MAD1L1: variants seen among roughly 807,000 people sequenced by gnomAD.
The protein encoded by MAD1L1 is mitotic arrest deficient 1 like 1, also known as mitotic spindle assembly checkpoint protein MAD1.
A neutral mutation model predicts 96.9 loss-of-function variants in MAD1L1; 95 were observed. The ratio of observed to expected loss-of-function variants is 0.98; its 90% CI spans 0.83 to 1.16. The LOEUF is 1.16. Among genes scored for constraint, MAD1L1 ranks in the 50% most tolerant of loss-of-function variants. The probability of loss-of-function intolerance (pLI) is 0.00; values close to 1 mark genes in which losing one functional copy is unlikely to be tolerated. For missense variants in MAD1L1, 1,007 were observed against 954.4 expected, an observed-to-expected ratio of 1.06 and a Z score of -0.73; for synonymous variants, 473 against 396.6, an observed-to-expected ratio of 1.19 and a Z score of -2.29.
chr7:1,950,120 G>A (rs1428508272), intron 16 of MAD1L1, among the ~76,000 whole-genome samples: 1 of 152,188 alleles, frequency 6.6e-6, no homozygotes, highest in East Asian at 1.9e-4. Context: ...GGCCAGGCGT[G>A]CATGCCCATG....
intron 18 of MAD1L1, among the ~76,000 whole-genome samples, chr7:1,857,364 C>T (rs1469209690): frequency 1.3e-5 from 2 of 152,178 alleles, no homozygotes; most frequent in Non-Finnish European, 2.9e-5. Flanking sequence ...GGGCTGCCTG[C>T]CGGTGTCCTG....
At chr7:2,025,257 C>G (rs544988096) in intron 12 of MAD1L1, among the ~76,000 whole-genome samples, 1 of 152,154 alleles carries the variant, frequency 6.6e-6, no homozygotes, top group South Asian at 2.1e-4. Flanking sequence ...ACTTCTCCTG[C>G]CAAAAAGAGA....
intron 18 of MAD1L1, chr7:1,838,708 G>A (rs1783067558): frequency 4.3e-6 from 2 of 465,094 alleles, no homozygotes; most frequent in Non-Finnish European, 9.0e-6. Context: ...TCCTTCCAGG[G>A]TGATAAAGGC....
chr7:2,129,148 G>A (rs370445097), intron 11 of MAD1L1, among the ~76,000 whole-genome samples: 1 of 152,190 alleles, frequency 6.6e-6, no homozygotes, highest in Non-Finnish European at 1.5e-5. Context: ...CCGGGCAGGC[G>A]CATTCCATGA....
Position 2,142,558 on chromosome 7 carries a change from A to G in MAD1L1, c.1073+6594T>C, listed in dbSNP as rs1419406631. 6.6e-6 allele frequency among the ~76,000 whole-genome samples: 1 copy of G among 152,218 alleles called. No individual in the cohort carries two copies. The highest frequency in any genetic ancestry group is 1.5e-5 in the Non-Finnish European group (1 of 68,036). Reference sequence around the variant, plus strand: ...TGCCACTGAGCCCACGGTGAAGGGCACGGTGCCACCCAGAGCTCCTGGCGC... The same window carrying G: ...TGCCACTGAGCCCACGGTGAAGGGCGCGGTGCCACCCAGAGCTCCTGGCGC... On this transcript the variant is annotated intron_variant, in intron 11 of 18. Coordinates refer to ENST00000265854, the MANE Select transcript of MAD1L1 (RefSeq NM_001013836.2). This position sits in a 1 kb window ranked among gnomAD's most constrained non-coding sequence, Gnocchi z 4.7.
rs541531926 is a variant in MAD1L1 at position 2,078,638 on chromosome 7, G to A, written c.1074-9300C>T. ...GCCTCCTGAGCAGTTTCCCACTCTC[G>A]CCCGAGCAGCTTTCGGCTGCAGGGG... On this transcript the variant is annotated intron_variant, in intron 11 of 18. Transcript: ENST00000265854. Among the ~76,000 whole-genome samples, 11 of 152,314 alleles carry A rather than the reference G, an allele frequency of 7.2e-5. No homozygotes were observed. In the East Asian group the frequency reaches 1.2e-3, roughly 16 times the overall value.
At chr7:1,818,116 C>A (rs1394434708) in intron 18 of MAD1L1, among the ~76,000 whole-genome samples, 1 of 152,158 alleles carries the variant, frequency 6.6e-6, no homozygotes, top group Non-Finnish European at 1.5e-5. Context: ...CTTCTGCCTT[C>A]TGCTCTTGAT....
intron 17 of MAD1L1, among the ~76,000 whole-genome samples, chr7:1,913,942 G>A (rs1256411571): frequency 6.6e-6 from 1 of 152,148 alleles, no homozygotes; most frequent in African/African-American, 2.4e-5. Flanking sequence ...CACGCTGGAG[G>A]GAACGCCCCA....
chr7:1,880,573 C>T (rs541279395), intron 18 of MAD1L1, among the ~76,000 whole-genome samples: 2 of 152,332 alleles, frequency 1.3e-5, no homozygotes, highest in Admixed American at 6.5e-5. Context: ...ACAGTGGGCC[C>T]TCAATTTGGC....
chr7:2,109,288 A>G (rs1787256326), intron 11 of MAD1L1, among the ~76,000 whole-genome samples: 1 of 152,222 alleles, frequency 6.6e-6, no homozygotes, highest in Non-Finnish European at 1.5e-5. Context: ...CCCTGCCTTA[A>G]GCAGCCCATG....
intron 18 of MAD1L1, among the ~76,000 whole-genome samples, chr7:1,866,660 C>T (rs1395502944): frequency 1.3e-5 from 2 of 152,168 alleles, no homozygotes; most frequent in East Asian, 3.9e-4. Context: ...TGCCGGCCAG[C>T]CCCAGAGCAG....
chr7:1,985,769 G>C (rs1170415265), intron 14 of MAD1L1, among the ~76,000 whole-genome samples: 2 of 100,302 alleles, frequency 2.0e-5, no homozygotes, highest in Middle Eastern at 4.3e-3. Context: ...CGTGCATCCG[G>C]TCACCTTCCT....
chr7:2,216,373 G>T (rs910838060), intron 7 of MAD1L1, 86 bp from the exon 8 acceptor site: 8 of 1,405,246 alleles, frequency 5.7e-6, no homozygotes, highest in African/African-American at 4.3e-5. Flanking sequence ...CTAAGAGAAG[G>T]AAGCCGGTCT....
At chr7:2,030,596 G>A (rs1267007881) in intron 12 of MAD1L1, among the ~76,000 whole-genome samples, 1 of 152,204 alleles carries the variant, frequency 6.6e-6, no homozygotes, top group Admixed American at 6.5e-5. Context: ...GACCCCGCAG[G>A]AGTGGAACCT....
At chr7:2,225,583 C>A in intron 3 of MAD1L1, 33 bp from the exon 4 acceptor site, 8 of 1,607,606 alleles carry the variant, frequency 5.0e-6, no homozygotes, top group Non-Finnish European at 5.9e-6. Flanking sequence ...AAAACAGAAT[C>A]CTCAGTGACG....
intron 11 of MAD1L1, among the ~76,000 whole-genome samples, chr7:2,109,180 CCCGAGCTCTGCT>C (rs1488399585): frequency 6.6e-6 from 1 of 152,234 alleles, no homozygotes; most frequent in Non-Finnish European, 1.5e-5. Flanking sequence ...AGACGGAAAA[CCCGAGCTCTGCT>C]CCTCCTGAAA....
intron 10 of MAD1L1, among the ~76,000 whole-genome samples, chr7:2,163,550 T>G (rs992478034): frequency 2.6e-5 from 4 of 152,118 alleles, no homozygotes; most frequent in African/African-American, 9.7e-5. Context: ...ATTTTTTGTA[T>G]CTTTAGTAGA....
In MAD1L1 at chr7:1,978,592, G is replaced by A. The variant is rs972062735; in HGVS notation, c.1505+1861C>T. Among the ~76,000 whole-genome samples the A allele has an allele frequency of 9.9e-5, 15 of 152,034 alleles. No individual in the cohort carries two copies. In the South Asian group the frequency reaches 1.7e-3, roughly 17 times the overall value. ...TGCATGCTCACCATGGCACCTGCCC[G>A]GTCTCCAGCTTCCCCCACCCCACAC... On this transcript the variant is annotated intron_variant, in intron 15 of 18. Transcript: ENST00000265854.
chr7:2,161,746 G>C (rs1790143018), intron 10 of MAD1L1, among the ~76,000 whole-genome samples: 1 of 150,876 alleles, frequency 6.6e-6, no homozygotes, highest in Non-Finnish European at 1.5e-5. Flanking sequence ...GAGCGCCTCT[G>C]CCTGGCCGCG....
Sources: gnomAD v4.1 joint callset for allele counts (sites outside exome capture counted in the v4.1 genomes callset) on GRCh38, gnomAD v4.1.1 for gene constraint, Gnocchi (gnomAD v3.1) non-coding constraint, MANE v1.5 for transcripts, NCBI Gene and HGNC (gene_info 2026-07-23, HGNC 2026-07-21) for gene names.